The following CDK5RAP2 variants were observed in gnomAD, a reference collection of about 807,000 sequenced individuals.
CDK5RAP2 encodes CDK5 regulatory subunit associated protein 2.
In CDK5RAP2, 147 loss-of-function variants were observed where a neutral mutation model predicts 232.9. The observed-to-expected ratio is 0.63, with a 90% CI of 0.55 to 0.72. The LOEUF (loss-of-function observed/expected upper bound fraction) is 0.72, where lower values mean the gene tolerates loss of function less well. Among genes scored for constraint, CDK5RAP2 ranks in the 30% least tolerant of loss-of-function variants. The pLI is 0.00. For synonymous variants in CDK5RAP2, 833 were observed against 833.7 expected (o/e 1.00, Z 0.01); for missense variants, 2,195 against 2,231.5 (o/e 0.98, Z 0.33).
chr9:120,517,891 C>A, intron 12 of CDK5RAP2: 1 of 342,726 alleles, frequency 2.9e-6, no homozygotes, highest in Non-Finnish European at 5.9e-6. Context: ...GAGACCCTGT[C>A]TCAAAAAAAA....
At chr9:120,414,808 A>G (rs1213119695) in intron 28 of CDK5RAP2, among the ~76,000 whole-genome samples, 2 of 152,252 alleles carry the variant, frequency 1.3e-5, no homozygotes, top group Non-Finnish European at 2.9e-5. Flanking sequence ...AGATGAAAAG[A>G]CAATATATTG....
intron 10 of CDK5RAP2, among the ~76,000 whole-genome samples, 174 bp from the exon 11 acceptor site, chr9:120,525,252 A>C (rs538878794): frequency 4.6e-5 from 7 of 152,336 alleles, no homozygotes; most frequent in African/African-American, 1.7e-4. Context: ...ACTTCAGGCA[A>C]GGTACTTAAC....
In CDK5RAP2 at chr9:120,407,160, T is replaced by C; in HGVS notation, c.4815A>G (p.Leu1605=). The change falls in exon 32 of 38, where the codon CTA becomes CTG. Residue 1605 remains leucine, a synonymous_variant. Coordinates refer to ENST00000349780, the MANE Select transcript of CDK5RAP2 (RefSeq NM_018249.6). ...TGCTGCTGGTTTCGATGCTCCTTTC[T>C]AGTTGCAAGCGCAGAGCCTGGATCT... is the stretch of plus-strand genomic sequence containing the variant. ...LMEIQALRLQ[L]ERSIETSSTL... 6.2e-7 allele frequency: 1 copy of C among 1,614,050 alleles called. No individual in the cohort carries two copies. The highest frequency in any genetic ancestry group is 8.5e-7 in the Non-Finnish European group (1 of 1,180,030).
chr9:120,579,912 G>C lies in CDK5RAP2; in HGVS notation c.59+8C>G. Reference sequence around the variant, plus strand: ...CGGTTACCACGACCACCAATGCCCCGGCCGCACCTGCAGCCGCTGAGCGTC... The same window carrying C: ...CGGTTACCACGACCACCAATGCCCCCGCCGCACCTGCAGCCGCTGAGCGTC... On this transcript the variant is annotated splice_region_variant and intron_variant, in intron 1 of 37. Coordinates refer to ENST00000349780, the MANE Select transcript of CDK5RAP2 (RefSeq NM_018249.6). The C allele has an allele frequency of 6.2e-7, 1 of 1,611,084 alleles. No individual in the cohort carries two copies. The highest frequency in any genetic ancestry group is 1.6e-4 in the Middle Eastern group (1 of 6,062).
intron 25 of CDK5RAP2, among the ~76,000 whole-genome samples, chr9:120,425,766 T>C (rs963302000): frequency 5.3e-5 from 8 of 152,212 alleles, no homozygotes; most frequent in African/African-American, 1.9e-4. Flanking sequence ...CTCTAGTAAT[T>C]GGTAGAAACT....
At chr9:120,468,142 T>A (rs2131507512) in intron 17 of CDK5RAP2, 145 bp from the exon 18 acceptor site, 1 of 739,056 alleles carries the variant, frequency 1.4e-6, no homozygotes, top group South Asian at 1.6e-5. Flanking sequence ...CAGGATACCC[T>A]GTGCACAGTG....
chr9:120,559,171 T>C (rs1653228083), intron 3 of CDK5RAP2, among the ~76,000 whole-genome samples: 1 of 152,182 alleles, frequency 6.6e-6, no homozygotes, highest in South Asian at 2.1e-4. Flanking sequence ...ATGTTTAATA[T>C]AGTTGCTAGT....
rs908938622 is a variant in CDK5RAP2 at position 120,443,857 on chromosome 9, G to A, written c.3026-115C>T. On this transcript the variant is annotated intron_variant, in intron 22 of 37. Coordinates refer to ENST00000349780, the MANE Select transcript of CDK5RAP2 (RefSeq NM_018249.6). ...CAGGGAAAATAAAAACACTGGGGAGGCAAAATGCAATTTATAAGATAAAAT... is the reference window on the plus strand; with the variant it reads ...CAGGGAAAATAAAAACACTGGGGAGACAAAATGCAATTTATAAGATAAAAT... The A allele has an allele frequency of 2.7e-5, 36 of 1,318,660 alleles. No homozygotes were observed. In the African/African-American group the frequency reaches 4.3e-4, roughly 16 times the overall value. 81.7% of individuals were successfully genotyped at this position (1,318,660 alleles called of 1,614,324 possible).
At chr9:120,536,737 T>C in intron 6 of CDK5RAP2, 1 of 635,742 alleles carries the variant, frequency 1.6e-6, no homozygotes, top group Non-Finnish European at 2.8e-6. Flanking sequence ...GCATTTCCAA[T>C]GGAAAAGACT....
At chr9:120,518,785 A>C in intron 11 of CDK5RAP2, 140 bp from the exon 12 acceptor site, 1 of 679,150 alleles carries the variant, frequency 1.5e-6, no homozygotes, top group Non-Finnish European at 2.6e-6. Flanking sequence ...AAACCAAAGC[A>C]AAAATAATAG....
chr9:120,486,405 C>CT (rs1259115123), intron 14 of CDK5RAP2, among the ~76,000 whole-genome samples: 1,548 of 116,440 alleles, frequency 0.013, 24 homozygotes, highest in African/African-American at 0.046. Flanking sequence ...CCAGGTTTTT[C>CT]TTTTAAAAAA....
chr9:120,449,917 A>T (rs2036395732), intron 21 of CDK5RAP2, among the ~76,000 whole-genome samples: 1 of 152,218 alleles, frequency 6.6e-6, no homozygotes, highest in Admixed American at 6.5e-5. Context: ...TGCTGGTGAG[A>T]ATGTAAAGAG....
intron 11 of CDK5RAP2, among the ~76,000 whole-genome samples, chr9:120,518,961 G>A (rs970177512): frequency 6.6e-6 from 1 of 152,048 alleles, no homozygotes; most frequent in African/African-American, 2.4e-5. Flanking sequence ...TGGATCATGA[G>A]GTCAGGAGTT....
At chr9:120,577,885 T>C (rs1335675319) in intron 1 of CDK5RAP2, among the ~76,000 whole-genome samples, 1 of 152,148 alleles carries the variant, frequency 6.6e-6, no homozygotes, top group Non-Finnish European at 1.5e-5. Flanking sequence ...AATGGCTATC[T>C]GAGAGAATAA....
chr9:120,536,082 T>C (rs1158547787), intron 7 of CDK5RAP2, among the ~76,000 whole-genome samples: 1 of 152,176 alleles, frequency 6.6e-6, no homozygotes, highest in Non-Finnish European at 1.5e-5. Flanking sequence ...CCCAGGAAGC[T>C]CATGGGCAAA....
At position 120,407,182 on chromosome 9, in the gene CDK5RAP2, A is replaced by C; in HGVS notation, c.4793T>G (p.Ile1598Ser). ...FRDLHSLLME[I>S]QALRLQLERS... The stretch of plus-strand genomic sequence containing the variant: ...TTCTAGTTGCAAGCGCAGAGCCTGG[A>C]TCTCCATCAGGAGGCTGTGCAGGTC... The change falls in exon 32 of 38, where the codon ATC becomes AGC. Residue 1598 changes from isoleucine to serine, a missense_variant. Transcript: ENST00000349780. 1 of 1,613,924 alleles carries C rather than the reference A, an allele frequency of 6.2e-7. No individual in the cohort carries two copies. Among genetic ancestry groups the C allele is most frequent in the Non-Finnish European group, 8.5e-7 (1 of 1,180,024 alleles).
chr9:120,502,212 T>C (rs544179257), intron 12 of CDK5RAP2, among the ~76,000 whole-genome samples: 2 of 152,362 alleles, frequency 1.3e-5, no homozygotes, highest in South Asian at 4.1e-4. Context: ...AAACCTGTGT[T>C]AAGCCAGCCA....
At position 120,415,170 on chromosome 9, in the gene CDK5RAP2, G is replaced by A. The variant is rs1461861970; in HGVS notation, c.4178-11C>T. ...GTTCCATTAGTAAGTCTACAGGAAG[G>A]AAGCCATTTTTAATTTAAAGTCTGA... On this transcript the variant is annotated splice_polypyrimidine_tract_variant and intron_variant, in intron 27 of 37. Coordinates refer to ENST00000349780, the MANE Select transcript of CDK5RAP2 (RefSeq NM_018249.6). 5 of 1,613,794 alleles carry A rather than the reference G, an allele frequency of 3.1e-6. No individual in the cohort carries two copies. Among genetic ancestry groups the A allele is most frequent in the Non-Finnish European group, 4.2e-6 (5 of 1,179,718 alleles).
chr9:120,413,149 C>T (rs2033954328), intron 28 of CDK5RAP2, among the ~76,000 whole-genome samples: 1 of 152,232 alleles, frequency 6.6e-6, no homozygotes, highest in Admixed American at 6.5e-5. Context: ...TCTACCACAA[C>T]CAAAGCTAAG....
Sources: gnomAD v4.1 joint callset for allele counts (sites outside exome capture counted in the v4.1 genomes callset) on GRCh38, gnomAD v4.1.1 for gene constraint, MANE v1.5 for transcripts, NCBI Gene and HGNC (gene_info 2026-07-23, HGNC 2026-07-21) for gene names.